The following VSIG4 variants were observed in gnomAD, a reference collection of about 807,000 sequenced individuals.
VSIG4 encodes the protein V-set and immunoglobulin domain-containing protein 4.
A neutral mutation model predicts 23.4 loss-of-function variants in VSIG4; 34 were observed. The ratio of observed to expected loss-of-function variants is 1.45; its 90% CI spans 1.10 to 1.93. The LOEUF (loss-of-function observed/expected upper bound fraction) is 1.93. Ranked by LOEUF, VSIG4 falls within the 30% of genes most tolerant of loss-of-function variation. VSIG4 has a pLI of 0.00. For synonymous variants in VSIG4, 169 were observed against 120.3 expected (o/e 1.41, Z -2.65); for missense variants, 433 against 310.8 (o/e 1.39, Z -2.96).
chrX:66,038,285 T>G (rs2085642903), intron 1 of VSIG4, among the ~76,000 whole-genome samples: 1 of 110,773 alleles, frequency 9.0e-6, no homozygotes. Flanking sequence ...ACCAGTCAAG[T>G]CAACCTCCTC....
chrX:66,022,479 G>A lies in VSIG4; in HGVS notation c.984C>T (p.Asn328=), dbSNP rs755965879. Residue 328 remains asparagine, a synonymous_variant, in exon 8 of 8, where the codon AAC becomes AAT. Coordinates refer to ENST00000374737, the MANE Select transcript of VSIG4 (RefSeq NM_007268.3). Reference sequence around the variant, plus strand: ...CCACCCTCATGGTTTCTCCAGAGTCGTTGGCCTCTCTGGCATGTGCCCTAT... The same window carrying A: ...CCACCCTCATGGTTTCTCCAGAGTCATTGGCCTCTCTGGCATGTGCCCTAT... ...EAARAHAREA[N]DSGETMRVAI... is the part of the protein sequence containing the mutation. The A allele has an allele frequency of 5.4e-5, 65 of 1,210,647 alleles. No individual in the cohort carries two copies. In the South Asian group the frequency reaches 7.6e-4, roughly 14 times the overall value.
chrX:66,036,673 T>C (rs1441263532), intron 1 of VSIG4, among the ~76,000 whole-genome samples: 5 of 66,176 alleles, frequency 7.6e-5, no homozygotes, highest in Non-Finnish European at 1.3e-4. Flanking sequence ...TATAATATAA[T>C]ATATATAATA....
chrX:66,022,487 C>T lies in VSIG4; in HGVS notation c.976G>A (p.Glu326Lys), dbSNP rs1382154228. 3.3e-6 allele frequency: 4 copies of T among 1,210,502 alleles called. No homozygotes were observed. Among genetic ancestry groups the T allele is most frequent in the Non-Finnish European group, 3.4e-6 (3 of 895,345 alleles). The part of the protein sequence containing the change: ...VYEAARAHAR[E>K]ANDSGETMRV... The stretch of plus-strand genomic sequence containing the variant: ...ATGGTTTCTCCAGAGTCGTTGGCCT[C>T]TCTGGCATGTGCCCTATGGCCCAAG... Residue 326 changes from glutamate to lysine, a missense_variant, in exon 8 of 8, where the codon GAG (glutamate) becomes AAG (lysine). Physicochemically the swap from Glu to Lys is moderately conservative, Grantham distance 56. Transcript: ENST00000374737.
At position 66,025,036 on chromosome X, in the gene VSIG4, G is replaced by A. The variant is rs751628914; in HGVS notation, c.929C>T (p.Thr310Ile). The A allele has an allele frequency of 8.4e-7, 1 of 1,191,232 alleles. No individual in the cohort carries two copies. The highest frequency in any genetic ancestry group is 1.1e-6 in the Non-Finnish European group (1 of 885,003). Reference protein sequence around the residue: ...TMAYIMLCRKTSQQEHVYEAA... With the variant: ...TMAYIMLCRKISQQEHVYEAA... The stretch of plus-strand genomic sequence containing the variant: ...TATTCATCACTAACCTTGTTGGGAT[G>A]TCTTCCGACAGAGCATGATATAGGC... Residue 310 changes from threonine (T) to isoleucine (I), a missense_variant, in exon 6 of 8, where the codon ACA (threonine) becomes ATA (isoleucine). Coordinates refer to ENST00000374737, the MANE Select transcript of VSIG4 (RefSeq NM_007268.3).
At chrX:66,024,858 C>T (rs945348183) in intron 6 of VSIG4, among the ~76,000 whole-genome samples, 167 bp downstream of exon 6, 20 of 111,750 alleles carry the variant, frequency 1.8e-4, no homozygotes, top group African/African-American at 6.5e-4. Context: ...AGTCTTATGC[C>T]ATTGTTTGCT....
rs747618819 is a variant in VSIG4, at chrX:66,033,633, G to A, written c.253C>T (p.Arg85Cys). Reference protein sequence around the residue: ...DHIQQAKYQGRLHVSHKVPGD... With the variant: ...DHIQQAKYQGCLHVSHKVPGD... ...GGAACCTTGTGGCTCACATGCAGGC[G>A]GCCCTGGTACTTTGCCTGCTGGATA... is the stretch of plus-strand genomic sequence containing the variant. The change falls in exon 2 of 8, where the codon CGC becomes TGC. Residue 85 changes from arginine to cysteine, a missense_variant. By Grantham distance (180) the Arg-to-Cys change is radical. Coordinates refer to ENST00000374737, the MANE Select transcript of VSIG4 (RefSeq NM_007268.3). 3.9e-5 allele frequency: 47 copies of A among 1,209,318 alleles called. No homozygotes were observed. Among genetic ancestry groups the A allele is most frequent in the Non-Finnish European group, 4.8e-5 (43 of 895,023 alleles).
chrX:66,033,326 C>T lies in VSIG4; in HGVS notation c.412+148G>A, dbSNP rs2085487657. On this transcript the variant is annotated intron_variant, in intron 2 of 7. Coordinates refer to ENST00000374737, the MANE Select transcript of VSIG4 (RefSeq NM_007268.3). Reference sequence around the variant, plus strand: ...TGGGAATGCTGACCCTAAGAATCCTCTGCCTGTCCACTTCCTCTGATAAGC... The same window carrying T: ...TGGGAATGCTGACCCTAAGAATCCTTTGCCTGTCCACTTCCTCTGATAAGC... The T allele has an allele frequency of 1.3e-5, 7 of 531,909 alleles. No individual in the cohort carries two copies. In the South Asian group the frequency reaches 2.3e-4, roughly 17 times the overall value. The allele number at this position is 531,909 out of a possible 1,213,427, so 43.8% of individuals were successfully genotyped here. A position where few individuals can be genotyped will look rare whatever the true frequency, so the allele number is the denominator to read the frequency against.
intron 5 of VSIG4, among the ~76,000 whole-genome samples, chrX:66,026,291 C>T (rs5918970): frequency 3.6e-5 from 4 of 111,783 alleles, no homozygotes; most frequent in Non-Finnish European, 7.5e-5. Context: ...TATTTGTGGT[C>T]CTCAGAGTGT....
Position 66,024,749 on chromosome X carries a change from G to C in VSIG4, c.940+276C>G, listed in dbSNP as rs150740372. ...AAATTGTGAGCAACTTGAGGCCAGG[G>C]ATTGTGACTTCTCCTTCTCTTGCAT... On this transcript the variant is annotated intron_variant, in intron 6 of 7. Coordinates refer to ENST00000374737, the MANE Select transcript of VSIG4 (RefSeq NM_007268.3). Among the ~76,000 whole-genome samples, 919 of 111,771 alleles carry C rather than the reference G, an allele frequency of 8.2e-3. 16 individuals are homozygous for C. Among genetic ancestry groups the C allele is most frequent in the African/African-American group, 0.028 (859 of 30,744 alleles).
chrX:66,036,714 AAT>A (rs1217768220), intron 1 of VSIG4, among the ~76,000 whole-genome samples: 44 of 55,079 alleles, frequency 8.0e-4, no homozygotes, highest in Middle Eastern at 7.7e-3. Context: ...ATAATTATAT[AAT>A]ATATATATTA....
intron 1 of VSIG4, among the ~76,000 whole-genome samples, chrX:66,037,639 T>C (rs1395963912): frequency 3.6e-5 from 3 of 84,302 alleles, no homozygotes; most frequent in Non-Finnish European, 6.5e-5. Context: ...TAATATATAA[T>C]AATTATATAA....
Position 66,027,500 on chromosome X carries a change from C to A in VSIG4, c.784G>T (p.Asp262Tyr), listed in dbSNP as rs1336060439. 1 of 1,201,680 alleles carries A rather than the reference C, an allele frequency of 8.3e-7. No individual in the cohort carries two copies. ...KATSTVKQSW[D>Y]WTTDMDGYLG... is the part of the protein sequence containing the mutation. ...TAGCCATCCATGTCAGTGGTCCAGT[C>A]CCAGGACTGCTTCACTGTAGATGTT... Residue 262 changes from aspartate (D) to tyrosine (Y), a missense_variant, in exon 5 of 8, where the codon GAC (aspartate) becomes TAC (tyrosine). Physicochemically the swap from Asp to Tyr is radical, Grantham distance 160. Transcript: ENST00000374737.
intron 5 of VSIG4, among the ~76,000 whole-genome samples, chrX:66,026,781 A>G (rs1569239908): frequency 1.8e-5 from 2 of 111,482 alleles, no homozygotes; most frequent in Non-Finnish European, 3.8e-5. Context: ...TCCTTGGTAT[A>G]CCTTTTGTTG....
intron 1 of VSIG4, among the ~76,000 whole-genome samples, chrX:66,034,172 T>C (rs1227111433): frequency 2.7e-5 from 3 of 112,527 alleles, no homozygotes; most frequent in Non-Finnish European, 5.6e-5. Flanking sequence ...GTAGGTGCTC[T>C]AGATATTCTA....
rs1370258412 is a variant in VSIG4, at chrX:66,028,093, C to T, written c.714G>A (p.Lys238=). 1 of 1,210,488 alleles carries T rather than the reference C, an allele frequency of 8.3e-7. No individual in the cohort carries two copies. Among genetic ancestry groups the T allele is most frequent in the Admixed American group, 2.2e-5 (1 of 45,975 alleles). Residue 238 remains lysine, a synonymous_variant, in exon 4 of 8, where the codon AAG becomes AAA. Coordinates refer to ENST00000374737, the MANE Select transcript of VSIG4 (RefSeq NM_007268.3). ...TGGTTGTAGGTGCCTCAGTCTTGGT[C>T]TTGAGTAGCTTTGAGGAGTCTGCAA... ...FVVKDSSKLL[K]TKTEAPTTMT...
intron 1 of VSIG4, among the ~76,000 whole-genome samples, chrX:66,036,904 ATATATTATATGATATATTATAT>A (rs1475531675): frequency 2.8e-5 from 1 of 35,705 alleles, no homozygotes; most frequent in African/African-American, 1.7e-4. Context: ...TTATTATATA[ATATATTATATGATATATTATAT>A]TATATGATAT....
chrX:66,025,975 A>G (rs748421953), intron 5 of VSIG4, among the ~76,000 whole-genome samples: 1 of 112,229 alleles, frequency 8.9e-6, no homozygotes, highest in South Asian at 3.7e-4. Context: ...CCAGAAGTGG[A>G]AGATAATATA....
chrX:66,021,804 G>A lies in VSIG4; in HGVS notation c.*459C>T. On this transcript the variant is annotated 3_prime_UTR_variant, in exon 8 of 8. Coordinates refer to ENST00000374737, the MANE Select transcript of VSIG4 (RefSeq NM_007268.3). ...TCAGAACATTAGACTTATAGTGGAGGAGCAGAACTGAACCCTGGCCTGTGA... is the reference window on the plus strand; with the variant it reads ...TCAGAACATTAGACTTATAGTGGAGAAGCAGAACTGAACCCTGGCCTGTGA... 1 of 255,702 alleles carries A rather than the reference G, an allele frequency of 3.9e-6. No individual in the cohort carries two copies. Among genetic ancestry groups the A allele is most frequent in the South Asian group, 4.1e-5 (1 of 24,648 alleles). The allele number at this position is 255,702 out of a possible 1,213,427, so 21.1% of individuals were successfully genotyped here.
At position 66,022,042 on chromosome X, in the gene VSIG4, G is replaced by A. The variant is rs752950319; in HGVS notation, c.*221C>T. ...TAGAGAGGAGTACCAGAAGCCCCCG[G>A]CAGAGATACTAGAAGGGCCCAGAGC... On this transcript the variant is annotated 3_prime_UTR_variant, in exon 8 of 8. Transcript: ENST00000374737. 6 of 1,157,278 alleles carry A rather than the reference G, an allele frequency of 5.2e-6. No individual in the cohort carries two copies. In the South Asian group the frequency reaches 9.6e-5, roughly 19 times the overall value.
Sources: gnomAD v4.1 joint callset for allele counts (sites outside exome capture counted in the v4.1 genomes callset) on GRCh38, gnomAD v4.1.1 for gene constraint, MANE v1.5 for transcripts, NCBI Gene and HGNC (gene_info 2026-07-23, HGNC 2026-07-21) for gene names.